The following NR2F1-AS1 variants were observed in gnomAD, a reference collection of about 807,000 sequenced individuals.
NR2F1-AS1 encodes the protein NR2F1 regulatory antisense RNA 1, also known as NR2F1 antisense RNA 1.
At chr5:93,464,614 C>T (rs901378591) in intron 4 of NR2F1-AS1, among the ~76,000 whole-genome samples, 2 of 152,082 alleles carry the variant, frequency 1.3e-5, no homozygotes, top group Admixed American at 6.6e-5. Flanking sequence ...AGGCAAAGAA[C>T]CTATTTTAGT....
upstream of NR2F1-AS1, among the ~76,000 whole-genome samples, chr5:93,581,735 C>CCT (rs1561519336): frequency 3.7e-5 from 1 of 26,772 alleles, no homozygotes; most frequent in African/African-American, 3.2e-4. Context: ...TCTCTCTCTC[C>CCT]CCCTCTCCCT....
chr5:93,502,405 AC>A (rs1751100107), intron 4 of NR2F1-AS1, among the ~76,000 whole-genome samples: 1 of 152,158 alleles, frequency 6.6e-6, no homozygotes, highest in Non-Finnish European at 1.5e-5. Context: ...CAAAGAGGTA[AC>A]CCAAAGCCAA....
intron 4 of NR2F1-AS1, among the ~76,000 whole-genome samples, chr5:93,442,201 G>A (rs1749585868): frequency 6.6e-6 from 1 of 152,212 alleles, no homozygotes; most frequent in Admixed American, 6.5e-5. Flanking sequence ...TTGTCGGACA[G>A]TGGGTGCAGC....
At chr5:93,524,938 A>C (rs1425722094) in intron 4 of NR2F1-AS1, among the ~76,000 whole-genome samples, 1 of 152,240 alleles carries the variant, frequency 6.6e-6, no homozygotes, top group Non-Finnish European at 1.5e-5. Flanking sequence ...ACTATGAAGA[A>C]ATTGCACGAA....
chr5:93,493,246 A>G (rs1750888527), intron 4 of NR2F1-AS1, among the ~76,000 whole-genome samples: 1 of 152,136 alleles, frequency 6.6e-6, no homozygotes, highest in African/African-American at 2.4e-5. Flanking sequence ...TACAGCAGCA[A>G]TGAACAAACT....
chr5:93,563,130 T>C lies in NR2F1-AS1; in HGVS notation n.413+234A>G, dbSNP rs1384322029. Reference sequence around the variant, plus strand: ...GAAGTCATTAAGAACTGAGTAGAAATGGTGTATATATTTAAGCCCCTATAA... The same window carrying C: ...GAAGTCATTAAGAACTGAGTAGAAACGGTGTATATATTTAAGCCCCTATAA... On this transcript the variant is annotated intron_variant and non_coding_transcript_variant, in intron 2 of 5. Coordinates refer to ENST00000660523, the Ensembl canonical transcript of NR2F1-AS1. Among the ~76,000 whole-genome samples the C allele has an allele frequency of 2.6e-5, 4 of 152,202 alleles. No homozygotes were observed. In the South Asian group the frequency reaches 6.2e-4, roughly 24 times the overall value.
chr5:93,448,450 G>A (rs532216651), intron 4 of NR2F1-AS1, among the ~76,000 whole-genome samples: 29 of 152,308 alleles, frequency 1.9e-4, no homozygotes, highest in South Asian at 2.1e-4. Flanking sequence ...GGCTGGTCTC[G>A]TGGCTCTTTC....
intron 4 of NR2F1-AS1, among the ~76,000 whole-genome samples, chr5:93,514,481 T>C (rs1295517433): frequency 6.6e-6 from 1 of 152,060 alleles, no homozygotes; most frequent in Admixed American, 6.6e-5. Flanking sequence ...AGTGATAAAG[T>C]AAAAGCTGCT....
At chr5:93,512,320 T>C (rs531579806) in intron 4 of NR2F1-AS1, among the ~76,000 whole-genome samples, 3 of 152,076 alleles carry the variant, frequency 2.0e-5, no homozygotes, top group African/African-American at 4.8e-5. Flanking sequence ...AATAAGGAAA[T>C]GAATGACTTT....
At chr5:93,538,574 C>A (rs1751887437) in intron 4 of NR2F1-AS1, among the ~76,000 whole-genome samples, 1 of 152,250 alleles carries the variant, frequency 6.6e-6, no homozygotes, top group South Asian at 2.1e-4. Flanking sequence ...AGCATGCCCA[C>A]CATATTTGTG....
intron 4 of NR2F1-AS1, among the ~76,000 whole-genome samples, chr5:93,470,025 C>G (rs1750332867): frequency 6.6e-6 from 1 of 151,992 alleles, no homozygotes; most frequent in Non-Finnish European, 1.5e-5. Context: ...AAACAAGATA[C>G]ATCTTCCAAA....
At chr5:93,420,147 T>C (rs989296107) in intron 4 of NR2F1-AS1, among the ~76,000 whole-genome samples, 1 of 151,880 alleles carries the variant, frequency 6.6e-6, no homozygotes, top group Non-Finnish European at 1.5e-5. Flanking sequence ...TGAGCCGAGA[T>C]TGCACCACTG....
intron 4 of NR2F1-AS1, among the ~76,000 whole-genome samples, chr5:93,448,377 A>G (rs1411841862): frequency 6.6e-6 from 1 of 152,218 alleles, no homozygotes. Flanking sequence ...GAAAAAAATC[A>G]AAAGCATTTT....
At chr5:93,530,389 T>C (rs922931497) in intron 4 of NR2F1-AS1, among the ~76,000 whole-genome samples, 2 of 152,208 alleles carry the variant, frequency 1.3e-5, no homozygotes, top group South Asian at 2.1e-4. Context: ...ATATTCATTC[T>C]AGCCATGGCT....
chr5:93,523,972 C>T (rs1018596046), intron 4 of NR2F1-AS1, among the ~76,000 whole-genome samples: 39 of 151,994 alleles, frequency 2.6e-4, no homozygotes, highest in Middle Eastern at 3.4e-3. Context: ...CAACTCCTCA[C>T]CAGGAAGGGA....
chr5:93,424,672 G>A (rs1749158944), intron 4 of NR2F1-AS1, among the ~76,000 whole-genome samples: 1 of 152,152 alleles, frequency 6.6e-6, no homozygotes. Flanking sequence ...ATCCTTGAAT[G>A]CATTCCTCAT....
chr5:93,421,404 A>C (rs1322140849), intron 4 of NR2F1-AS1, among the ~76,000 whole-genome samples: 1 of 150,866 alleles, frequency 6.6e-6, no homozygotes, highest in African/African-American at 2.4e-5. Flanking sequence ...CGTATTTTTC[A>C]ACAGTCCCCA....
chr5:93,417,156 C>A (rs1056673729), intron 4 of NR2F1-AS1, among the ~76,000 whole-genome samples: 1 of 152,138 alleles, frequency 6.6e-6, no homozygotes, highest in Non-Finnish European at 1.5e-5. Flanking sequence ...AGGAATAGTG[C>A]CATCCCCCTG....
chr5:93,557,652 G>C (rs1440708239), intron 2 of NR2F1-AS1, among the ~76,000 whole-genome samples: 1 of 152,126 alleles, frequency 6.6e-6, no homozygotes, highest in African/African-American at 2.4e-5. Flanking sequence ...GTCTTGCCTT[G>C]AAGTTGATGA....
Sources: allele counts gnomAD v4.1 joint callset (sites outside exome capture counted in the v4.1 genomes callset), GRCh38; gene constraint gnomAD v4.1.1; transcripts MANE v1.5; gene names NCBI Gene and HGNC (gene_info 2026-07-23, HGNC 2026-07-21).